RAB5A: variants seen among roughly 807,000 people sequenced by gnomAD.
RAB5A encodes RAB5A, member RAS oncogene family, also known as ras-related protein Rab-5A.
RAB5A carries 8 observed loss-of-function variants against 25.7 expected under a neutral mutation model. That is an observed-to-expected ratio of 0.31 (90% CI 0.18 to 0.56). The LOEUF is 0.56. Ranked by LOEUF, RAB5A falls within the 20% of genes least tolerant of loss-of-function variation. The pLI is 0.91. For synonymous variants in RAB5A, 98 were observed against 89.8 expected (o/e 1.09, Z -0.52); for missense variants, 192 against 259.7 (o/e 0.74, Z 1.79).
At chr3:19,950,161 G>A (rs1696402394) in intron 1 of RAB5A, among the ~76,000 whole-genome samples, 1 of 152,082 alleles carries the variant, frequency 6.6e-6, no homozygotes, top group East Asian at 1.9e-4. Flanking sequence ...TAGCATTTCT[G>A]TGTATGGTGT....
intron 2 of RAB5A, among the ~76,000 whole-genome samples, chr3:19,969,828 C>T (rs989299431): frequency 5.3e-5 from 8 of 151,950 alleles, no homozygotes; most frequent in African/African-American, 9.7e-5. Flanking sequence ...TTTCTTGAGA[C>T]GGAGTCTCAC....
At chr3:19,980,462 T>G (rs974338940) in intron 5 of RAB5A, among the ~76,000 whole-genome samples, 1 of 152,190 alleles carries the variant, frequency 6.6e-6, no homozygotes, top group South Asian at 2.1e-4. Flanking sequence ...TTTCTTTTTT[T>G]TTTTGTTATG....
chr3:19,947,590 G>C (rs1696339292), intron 1 of RAB5A, 69 bp downstream of exon 1: 2 of 152,572 alleles, frequency 1.3e-5, no homozygotes, highest in African/African-American at 4.8e-5. Flanking sequence ...TCCCCAGCCT[G>C]TCCGCGGCCC....
chr3:19,965,067 G>A lies in RAB5A; in HGVS notation c.164-10534G>A, dbSNP rs376345854. On this transcript the variant is annotated intron_variant, in intron 2 of 5. Transcript: ENST00000273047. Reference sequence around the variant, plus strand: ...CTCTCAGATAGCTGGGATTGCAGGTGCATGCCACCATGCCCGACTAATTTT... The same window carrying A: ...CTCTCAGATAGCTGGGATTGCAGGTACATGCCACCATGCCCGACTAATTTT... 6.6e-5 allele frequency among the ~76,000 whole-genome samples: 10 copies of A among 152,110 alleles called. No individual in the cohort carries two copies. The East Asian group carries it at 7.7e-4, about 12-fold the overall frequency.
chr3:19,973,936 G>A (rs556613754), intron 2 of RAB5A, among the ~76,000 whole-genome samples: 1 of 152,210 alleles, frequency 6.6e-6, no homozygotes, highest in South Asian at 2.1e-4. Flanking sequence ...GTAATTTAGA[G>A]AAATATATCA....
At chr3:19,969,084 G>A (rs1575073602) in intron 2 of RAB5A, among the ~76,000 whole-genome samples, 1 of 107,736 alleles carries the variant, frequency 9.3e-6, no homozygotes, top group Admixed American at 1.4e-4. Flanking sequence ...CACTCTTGTT[G>A]CCCAGACTGG....
chr3:19,965,718 A>G (rs1278801549), intron 2 of RAB5A, among the ~76,000 whole-genome samples: 1 of 151,968 alleles, frequency 6.6e-6, no homozygotes, highest in African/African-American at 2.4e-5. Context: ...TTGCTCATAG[A>G]TTTTTATATT....
intron 2 of RAB5A, among the ~76,000 whole-genome samples, chr3:19,962,299 G>A (rs1364318427): frequency 6.6e-6 from 1 of 152,200 alleles, no homozygotes; most frequent in Non-Finnish European, 1.5e-5. Context: ...GCTGGGCGTG[G>A]TGGCTCACAC....
chr3:19,969,338 C>G (rs543722162), intron 2 of RAB5A, among the ~76,000 whole-genome samples: 1 of 152,170 alleles, frequency 6.6e-6, no homozygotes, highest in East Asian at 1.9e-4. Flanking sequence ...GCCACCATGC[C>G]TGCTGTATTT....
At position 19,984,267 on chromosome 3, in the gene RAB5A, A is replaced by G. The variant is rs1412173577; in HGVS notation, c.*444A>G. 2.3e-6 allele frequency: 1 copy of G among 430,736 alleles called. No individual in the cohort carries two copies. Among genetic ancestry groups the G allele is most frequent in the Non-Finnish European group, 4.5e-6 (1 of 220,512 alleles). 26.7% of individuals were successfully genotyped at this position (430,736 alleles called of 1,614,324 possible). ...GTTATTTATGATGCTTAGCCATAGT[A>G]TTCAGGCAAATGTTCATTTCTCCTG... On this transcript the variant is annotated 3_prime_UTR_variant, in exon 6 of 6. Coordinates refer to ENST00000273047, the MANE Select transcript of RAB5A (RefSeq NM_004162.5).
intron 2 of RAB5A, among the ~76,000 whole-genome samples, chr3:19,955,951 A>G (rs903292844): frequency 6.6e-6 from 1 of 152,142 alleles, no homozygotes; most frequent in Non-Finnish European, 1.5e-5. Flanking sequence ...TGTATTATGT[A>G]CTGCTCACAT....
At chr3:19,974,722 G>GAAAAAAAAAAAAAAAAAAAAA (rs151258629) in intron 2 of RAB5A, among the ~76,000 whole-genome samples, 1 of 141,898 alleles carries the variant, frequency 7.0e-6, no homozygotes, top group African/African-American at 2.6e-5. Flanking sequence ...CTGTGTCTCA[G>GAAAAAAAAAAAAAAAAAAAAA]AAAAAGAAAA....
At chr3:19,969,307 G>T (rs1298806254) in intron 2 of RAB5A, among the ~76,000 whole-genome samples, 1 of 151,956 alleles carries the variant, frequency 6.6e-6, no homozygotes, top group Non-Finnish European at 1.5e-5. Flanking sequence ...GCCTCCTAAA[G>T]TGCTGGGATT....
At chr3:19,954,598 G>A (rs771220814) in intron 2 of RAB5A, among the ~76,000 whole-genome samples, 2 of 152,028 alleles carry the variant, frequency 1.3e-5, no homozygotes, top group African/African-American at 4.8e-5. Flanking sequence ...TGGGCAGATC[G>A]CTTGAGTCCA....
chr3:19,967,432 A>T (rs1377710395), intron 2 of RAB5A, among the ~76,000 whole-genome samples: 1 of 152,100 alleles, frequency 6.6e-6, no homozygotes, highest in Non-Finnish European at 1.5e-5. Flanking sequence ...GGCATGAGCC[A>T]TTGCGCTCGG....
chr3:19,967,424 C>T (rs1327186948), intron 2 of RAB5A, among the ~76,000 whole-genome samples: 1 of 152,192 alleles, frequency 6.6e-6, no homozygotes, highest in Non-Finnish European at 1.5e-5. Flanking sequence ...GGATTATAGG[C>T]ATGAGCCATT....
intron 2 of RAB5A, among the ~76,000 whole-genome samples, chr3:19,957,743 A>G (rs1250652728): frequency 6.6e-6 from 1 of 152,110 alleles, no homozygotes; most frequent in East Asian, 1.9e-4. Flanking sequence ...AAAAAAAAAA[A>G]AAGGTAAGTA....
rs7613211 is a variant in RAB5A at position 19,975,919 on chromosome 3, T to G, written c.316-128T>G. Reference sequence around the variant, plus strand: ...TTTAAAAAAAAACGAAAATGTCTCATAATACAATAGTCCTAATAATTTCTT... The same window carrying G: ...TTTAAAAAAAAACGAAAATGTCTCAGAATACAATAGTCCTAATAATTTCTT... On this transcript the variant is annotated intron_variant, in intron 3 of 5. Coordinates refer to ENST00000273047, the MANE Select transcript of RAB5A (RefSeq NM_004162.5). 152 of 1,375,306 alleles carry G rather than the reference T, an allele frequency of 1.1e-4. No homozygotes were observed. In the African/African-American group the frequency reaches 2.1e-3, roughly 19 times the overall value. 85.2% of individuals were successfully genotyped at this position (1,375,306 alleles called of 1,614,324 possible). A position where few individuals can be genotyped will look rare whatever the true frequency, so the allele number is the denominator to read the frequency against.
chr3:19,966,404 C>T (rs1696663018), intron 2 of RAB5A, among the ~76,000 whole-genome samples: 1 of 152,176 alleles, frequency 6.6e-6, no homozygotes, highest in Non-Finnish European at 1.5e-5. Context: ...GGATAATATT[C>T]CATTGTATGT....
Sources: allele counts gnomAD v4.1 joint callset (sites outside exome capture counted in the v4.1 genomes callset), GRCh38; gene constraint gnomAD v4.1.1; transcripts MANE v1.5; gene names NCBI Gene and HGNC (gene_info 2026-07-23, HGNC 2026-07-21).